Variants in OR51B5 observed in about 807,000 individuals in gnomAD.
OR51B5 encodes the protein olfactory receptor family 51 subfamily B member 5.
For synonymous variants in OR51B5, 186 were observed against 144.8 expected (o/e 1.28, Z -2.04); for missense variants, 456 against 374.6 (o/e 1.22, Z -1.79).
At chr11:5,356,124 GAGAA>G (rs1849190787) in intron 1 of OR51B5, among the ~76,000 whole-genome samples, 1 of 152,206 alleles carries the variant, frequency 6.6e-6, no homozygotes, top group Non-Finnish European at 1.5e-5. Flanking sequence ...AAGCTGGACA[GAGAA>G]TGACTTTGAC....
chr11:5,373,419 T>C (rs1273430992), intron 1 of OR51B5, among the ~76,000 whole-genome samples: 1 of 152,184 alleles, frequency 6.6e-6, no homozygotes, highest in Non-Finnish European at 1.5e-5. Flanking sequence ...ACGGGTGATT[T>C]CTGCATTTCC....
intron 1 of OR51B5, among the ~76,000 whole-genome samples, chr11:5,472,981 T>C (rs1851251001): frequency 6.6e-6 from 1 of 152,206 alleles, no homozygotes; most frequent in South Asian, 2.1e-4. Context: ...CTCCTCAGTT[T>C]TGGCAAGCTG....
chr11:5,447,681 C>T (rs562642080), intron 1 of OR51B5, among the ~76,000 whole-genome samples: 51 of 152,210 alleles, frequency 3.4e-4, no homozygotes, highest in African/African-American at 1.1e-3. Context: ...CCAAGATCTA[C>T]AAATATGGGG....
upstream of OR51B5, among the ~76,000 whole-genome samples, chr11:5,347,919 C>T (rs748556150): frequency 2.6e-5 from 4 of 151,792 alleles, no homozygotes; most frequent in African/African-American, 4.8e-5. Context: ...AGATGATGCC[C>T]AAATCTTTCA....
intron 1 of OR51B5, chr11:5,402,622 G>C (rs928266993): frequency 1.9e-5 from 9 of 471,046 alleles, no homozygotes; most frequent in African/African-American, 1.8e-4. Flanking sequence ...AACTCTTTGG[G>C]GTTTTTACCT....
At chr11:5,426,730 G>A (rs1850455561) in intron 1 of OR51B5, among the ~76,000 whole-genome samples, 1 of 152,008 alleles carries the variant, frequency 6.6e-6, no homozygotes, top group African/African-American at 2.4e-5. Context: ...TCAAAACCAA[G>A]GTCTCTCTCT....
At chr11:5,484,726 C>A (rs1851475977) in intron 1 of OR51B5, among the ~76,000 whole-genome samples, 2 of 152,196 alleles carry the variant, frequency 1.3e-5, no homozygotes, top group Admixed American at 1.3e-4. Flanking sequence ...CCCAAGGACA[C>A]AAAGCCAGGA....
chr11:5,398,885 TA>T (rs1187300197), intron 1 of OR51B5, among the ~76,000 whole-genome samples: 1 of 152,208 alleles, frequency 6.6e-6, no homozygotes, highest in African/African-American at 2.4e-5. Flanking sequence ...CCTCCTTTGT[TA>T]ATAAATTACC....
chr11:5,499,968 T>C (rs892385385), intron 1 of OR51B5, among the ~76,000 whole-genome samples: 14 of 152,238 alleles, frequency 9.2e-5, no homozygotes, highest in Non-Finnish European at 1.6e-4. Flanking sequence ...CTGCAAAGAA[T>C]TGCCTTTTAT....
chr11:5,446,808 G>A (rs1850771141), intron 1 of OR51B5, among the ~76,000 whole-genome samples: 1 of 152,200 alleles, frequency 6.6e-6, no homozygotes, highest in African/African-American at 2.4e-5. Context: ...ATAATAGAGT[G>A]TGATCACTGC....
At chr11:5,411,500 T>C (rs752787889) in intron 1 of OR51B5, among the ~76,000 whole-genome samples, 1 of 152,154 alleles carries the variant, frequency 6.6e-6, no homozygotes, top group Non-Finnish European at 1.5e-5. Context: ...TAATAATACA[T>C]TAATGAATGG....
intron 1 of OR51B5, among the ~76,000 whole-genome samples, chr11:5,444,878 T>C (rs1850739012): frequency 6.6e-6 from 1 of 152,184 alleles, no homozygotes; most frequent in African/African-American, 2.4e-5. Context: ...TATTAGTGTG[T>C]TAATCCTTCT....
chr11:5,397,148 G>T (rs1849887345), intron 1 of OR51B5, among the ~76,000 whole-genome samples: 1 of 152,166 alleles, frequency 6.6e-6, no homozygotes, highest in Non-Finnish European at 1.5e-5. Context: ...GCATGGGCAT[G>T]GACTTCATGT....
At chr11:5,472,016 G>T (rs1259159342) in intron 1 of OR51B5, among the ~76,000 whole-genome samples, 1 of 152,092 alleles carries the variant, frequency 6.6e-6, no homozygotes, top group Non-Finnish European at 1.5e-5. Context: ...CCAATCAAAG[G>T]TTCCCTTCTT....
intron 1 of OR51B5, among the ~76,000 whole-genome samples, chr11:5,415,502 G>A (rs1850227956): frequency 6.6e-6 from 1 of 151,692 alleles, no homozygotes; most frequent in Non-Finnish European, 1.5e-5. Context: ...TTTCTTGAAA[G>A]GATCAACAAA....
At chr11:5,359,072 G>A (rs1294208602) in intron 1 of OR51B5, among the ~76,000 whole-genome samples, 1 of 152,118 alleles carries the variant, frequency 6.6e-6, no homozygotes, top group Admixed American at 6.5e-5. Context: ...CATTCCCTTT[G>A]AAAACTGGCA....
rs571952180 is a variant in OR51B5 at position 5,405,123 on chromosome 11, C to T, written n.85-58213G>A. On this transcript the variant is annotated intron_variant and non_coding_transcript_variant, in intron 1 of 4. Coordinates refer to the OR51B5 transcript ENST00000415970. Reference sequence around the variant, plus strand: ...TGCAGGCATTTAAAATGATGTAAAGCGTTTATACTTACATTTTCAGGGAAA... The same window carrying T: ...TGCAGGCATTTAAAATGATGTAAAGTGTTTATACTTACATTTTCAGGGAAA... Among the ~76,000 whole-genome samples, 5 of 152,168 alleles carry T rather than the reference C, an allele frequency of 3.3e-5. No individual in the cohort carries two copies. In the East Asian group the frequency reaches 5.8e-4, roughly 18 times the overall value.
chr11:5,454,315 T>C (rs1850916657), intron 1 of OR51B5: 1 of 1,614,194 alleles, frequency 6.2e-7, no homozygotes, highest in Non-Finnish European at 8.5e-7. Context: ...CATGTCCTCA[T>C]GTCAAATGTG....
At chr11:5,414,389 A>T (rs1363931563) in intron 1 of OR51B5, among the ~76,000 whole-genome samples, 1 of 146,740 alleles carries the variant, frequency 6.8e-6, no homozygotes, top group Non-Finnish European at 1.5e-5. Flanking sequence ...GAGCAAAATA[A>T]CCAGCTAACA....
Sources: allele counts gnomAD v4.1 joint callset (sites outside exome capture counted in the v4.1 genomes callset), GRCh38; gene constraint gnomAD v4.1.1; transcripts MANE v1.5; gene names NCBI Gene and HGNC (gene_info 2026-07-23, HGNC 2026-07-21).